NTRK2: variants seen among roughly 807,000 people sequenced by gnomAD.
NTRK2 encodes BDNF/NT-3 growth factors receptor.
NTRK2 carries 13 observed loss-of-function variants against 94.5 expected under a neutral mutation model. That is an observed-to-expected ratio of 0.14 (90% confidence interval 0.09 to 0.22). The LOEUF (loss-of-function observed/expected upper bound fraction) is 0.22. Among genes scored for constraint, NTRK2 ranks in the 10% least tolerant of loss-of-function variants. The pLI, the probability that NTRK2 is intolerant of heterozygous loss-of-function variation, is 1.00. For synonymous variants in NTRK2, 372 were observed against 407.4 expected, an observed-to-expected ratio of 0.91 and a Z score of 1.05; for missense variants, 639 against 1,071.2, an observed-to-expected ratio of 0.60 and a Z score of 5.63.
intron 16 of NTRK2, among the ~76,000 whole-genome samples, chr9:84,951,876 T>TA (rs757108189): frequency 2.4e-4 from 36 of 152,190 alleles, no homozygotes; most frequent in Admixed American, 1.3e-4. Flanking sequence ...AAGACAGATG[T>TA]CTTCTCTTGT....
chr9:84,945,774 C>T (rs1399145701), intron 15 of NTRK2, among the ~76,000 whole-genome samples: 1 of 152,210 alleles, frequency 6.6e-6, no homozygotes, highest in Non-Finnish European at 1.5e-5. Context: ...GCAACAGCCC[C>T]ATCGAAGCTT....
rs559174080 is a variant in NTRK2, at chr9:85,026,085, T to C, written c.*4648T>C. 7.6e-4 allele frequency: 168 copies of C among 220,600 alleles called. No individual in the cohort carries two copies. Among genetic ancestry groups the C allele is most frequent in the African/African-American group, 3.6e-3 (159 of 44,314 alleles). 13.7% of individuals were successfully genotyped at this position (220,600 alleles called of 1,614,324 possible). On this transcript the variant is annotated 3_prime_UTR_variant, in exon 19 of 19. Coordinates refer to ENST00000277120, the MANE Select transcript of NTRK2 (RefSeq NM_006180.6). ...TTATTTAATTATGTATTTATTTATT[T>C]ATTTATATACTTTTGCTCCATTCAG...
At chr9:84,835,656 A>C (rs565392132) in intron 12 of NTRK2, among the ~76,000 whole-genome samples, 1 of 152,310 alleles carries the variant, frequency 6.6e-6, no homozygotes, top group South Asian at 2.1e-4. Flanking sequence ...AAAATCAGGC[A>C]GTTGTCTCTC....
At chr9:84,913,176 C>CT (rs1407979223) in intron 14 of NTRK2, among the ~76,000 whole-genome samples, 2 of 151,924 alleles carry the variant, frequency 1.3e-5, no homozygotes, top group Non-Finnish European at 2.9e-5. Flanking sequence ...TTTTAGAATT[C>CT]TTTTTTTATT....
chr9:84,935,817 G>A (rs1396656015), intron 15 of NTRK2, among the ~76,000 whole-genome samples: 2 of 152,212 alleles, frequency 1.3e-5, no homozygotes, highest in Non-Finnish European at 2.9e-5. Context: ...ACATTTGGCA[G>A]TGTTAAATCT....
intron 12 of NTRK2, among the ~76,000 whole-genome samples, chr9:84,780,748 G>A (rs541560545): frequency 5.3e-4 from 81 of 152,280 alleles, no homozygotes; most frequent in African/African-American, 1.9e-3. Flanking sequence ...GACCTCACTG[G>A]TCCATAGTTC....
At chr9:84,981,176 G>C (rs757568313) in intron 17 of NTRK2, among the ~76,000 whole-genome samples, 7 of 152,128 alleles carry the variant, frequency 4.6e-5, no homozygotes, top group Non-Finnish European at 1.0e-4. Flanking sequence ...CGCCTCCTGG[G>C]TTCAAGCGAT....
chr9:84,955,047 G>A (rs1823942478), intron 16 of NTRK2, among the ~76,000 whole-genome samples: 1 of 152,208 alleles, frequency 6.6e-6, no homozygotes, highest in Admixed American at 6.5e-5. Flanking sequence ...GGGGTCCTGG[G>A]AATTCCAGAC....
At chr9:85,003,283 G>A (rs1183789396) in intron 17 of NTRK2, among the ~76,000 whole-genome samples, 1 of 152,122 alleles carries the variant, frequency 6.6e-6, no homozygotes, top group Non-Finnish European at 1.5e-5. Flanking sequence ...AGTGTGGAGG[G>A]TGAAAATTTC....
intron 2 of NTRK2, among the ~76,000 whole-genome samples, chr9:84,683,924 T>G (rs1279628474): frequency 4.6e-5 from 7 of 152,232 alleles, no homozygotes; most frequent in African/African-American, 1.7e-4. Context: ...TGATTTGCAT[T>G]TCTCTAATGC....
At chr9:84,968,934 T>A (rs1279798306) in intron 17 of NTRK2, among the ~76,000 whole-genome samples, 1 of 152,154 alleles carries the variant, frequency 6.6e-6, no homozygotes, top group East Asian at 1.9e-4. Context: ...TTGTGAATGC[T>A]GTCTTGGGTC....
intron 17 of NTRK2, among the ~76,000 whole-genome samples, chr9:85,002,672 C>T (rs1162948055): frequency 6.6e-6 from 1 of 152,198 alleles, no homozygotes; most frequent in East Asian, 1.9e-4. Context: ...AACTAGCCAT[C>T]AGCATATATA....
intron 12 of NTRK2, among the ~76,000 whole-genome samples, chr9:84,841,560 G>C (rs2074185554): frequency 6.6e-6 from 1 of 152,194 alleles, no homozygotes; most frequent in African/African-American, 2.4e-5. Context: ...ATTTGTATCT[G>C]TGGCTCCCTC....
intron 12 of NTRK2, among the ~76,000 whole-genome samples, chr9:84,859,868 C>A (rs2075248685): frequency 6.6e-6 from 1 of 152,210 alleles, no homozygotes; most frequent in Non-Finnish European, 1.5e-5. Context: ...CTTTATTTGG[C>A]TTTGGCTCAA....
chr9:84,708,156 A>AT (rs1381888751), intron 5 of NTRK2, among the ~76,000 whole-genome samples: 6 of 152,208 alleles, frequency 3.9e-5, no homozygotes, highest in Non-Finnish European at 7.3e-5. Context: ...ATTCATTTAA[A>AT]TGTTGATTTT....
chr9:84,956,009 A>G (rs1324519099), intron 17 of NTRK2, among the ~76,000 whole-genome samples: 1 of 152,166 alleles, frequency 6.6e-6, no homozygotes, highest in African/African-American at 2.4e-5. Flanking sequence ...GAGATCTCCA[A>G]GAGTGAAGTC....
chr9:84,762,337 G>C (rs2065652763), intron 12 of NTRK2, among the ~76,000 whole-genome samples: 1 of 152,158 alleles, frequency 6.6e-6, no homozygotes, highest in South Asian at 2.1e-4. Flanking sequence ...CATGTGGGCT[G>C]TTTCTTGATC....
chr9:84,816,949 G>T (rs373014992), intron 12 of NTRK2, among the ~76,000 whole-genome samples: 14 of 152,162 alleles, frequency 9.2e-5, no homozygotes, highest in African/African-American at 2.2e-4. Context: ...GACTATGCAG[G>T]TTTGAATCCC....
Position 84,799,324 on chromosome 9 carries a change from T to C in NTRK2, c.1396+47239T>C, listed in dbSNP as rs554512181. ...TCAGATAAAAAAAAAATTAGGATGA[T>C]AGTGGCAATGCAGGTTGGAAACTGG... On this transcript the variant is annotated intron_variant, in intron 12 of 18. Coordinates refer to ENST00000277120, the MANE Select transcript of NTRK2 (RefSeq NM_006180.6). Among the ~76,000 whole-genome samples the C allele has an allele frequency of 2.0e-5, 3 of 152,254 alleles. No individual in the cohort carries two copies. The East Asian group carries it at 5.8e-4, about 29-fold the overall frequency.
Sources: allele counts gnomAD v4.1 joint callset (sites outside exome capture counted in the v4.1 genomes callset), GRCh38; gene constraint gnomAD v4.1.1; transcripts MANE v1.5; gene names NCBI Gene and HGNC (gene_info 2026-07-23, HGNC 2026-07-21).